The following DOK5 variants were observed in gnomAD, a reference collection of about 807,000 sequenced individuals.
DOK5 encodes the protein docking protein 5, also known as downstream of tyrosine kinase 5.
DOK5 carries 27 observed loss-of-function variants against 43.3 expected under a neutral mutation model. That is an observed-to-expected ratio of 0.62 (90% CI 0.46 to 0.86). DOK5 has a LOEUF of 0.86. Ranked by LOEUF, DOK5 falls within the 40% of genes least tolerant of loss-of-function variation. The pLI is 0.00. For synonymous variants in DOK5, 146 were observed against 140.1 expected (o/e 1.04, Z -0.30); for missense variants, 373 against 392.9 (o/e 0.95, Z 0.43).
At chr20:54,562,313 G>A (rs1984936601) in intron 2 of DOK5, among the ~76,000 whole-genome samples, 1 of 152,186 alleles carries the variant, frequency 6.6e-6, no homozygotes, top group South Asian at 2.1e-4. Context: ...AAAGGGCCAT[G>A]TGACTCACAT....
At chr20:54,570,528 G>A (rs1227946151) in intron 2 of DOK5, among the ~76,000 whole-genome samples, 3 of 152,178 alleles carry the variant, frequency 2.0e-5, no homozygotes, top group East Asian at 1.9e-4. Context: ...AACCTACAAA[G>A]CAAGGCGGAA....
At chr20:54,643,726 G>A (rs1023440747) in intron 7 of DOK5, 148 bp downstream of exon 7, 6 of 1,044,198 alleles carry the variant, frequency 5.7e-6, no homozygotes, top group Admixed American at 2.9e-5. Context: ...CACACACGAG[G>A]CACTTAATCT....
rs115698164 is a variant in DOK5, at chr20:54,546,254, G to A, written c.67-8679G>A. 4.5e-3 allele frequency among the ~76,000 whole-genome samples: 691 copies of A among 152,282 alleles called. 7 individuals carry two copies. Among genetic ancestry groups the A allele is most frequent in the African/African-American group, 0.016 (646 of 41,552 alleles). On this transcript the variant is annotated intron_variant, in intron 1 of 7. Coordinates refer to ENST00000262593, the MANE Select transcript of DOK5 (RefSeq NM_018431.5). ...TAAAAGGCTCAGCATTCCACAGTGC[G>A]CAGAAAAAGAGTTCAGCCAATGCTA...
In DOK5 at chr20:54,591,690, G is replaced by C; in HGVS notation, c.484G>C (p.Glu162Gln). ...CGAATGTGCCTTGCAGATTACATAT[G>C]AGTATATCTGTCTTTGGGACGTCCA... ...HGECALQITY[E>Q]YICLWDVQNP... The change falls in exon 5 of 8, where the codon GAG becomes CAG. Residue 162 changes from glutamate to glutamine, a missense_variant. Transcript: ENST00000262593. 6.2e-7 allele frequency: 1 copy of C among 1,614,066 alleles called. No individual in the cohort carries two copies. The highest frequency in any genetic ancestry group is 8.5e-7 in the Non-Finnish European group (1 of 1,179,928).
At chr20:54,605,548 T>C (rs1986444382) in intron 5 of DOK5, among the ~76,000 whole-genome samples, 1 of 152,206 alleles carries the variant, frequency 6.6e-6, no homozygotes, top group African/African-American at 2.4e-5. Flanking sequence ...TAAAGCTTTA[T>C]ATGTGCAGTT....
intron 6 of DOK5, among the ~76,000 whole-genome samples, chr20:54,621,562 G>T (rs1303291370): frequency 3.3e-5 from 5 of 152,110 alleles, no homozygotes; most frequent in Non-Finnish European, 5.9e-5. Flanking sequence ...GGTGGCAGGT[G>T]CCTGTAATCC....
intron 6 of DOK5, among the ~76,000 whole-genome samples, chr20:54,624,355 CTGACCTCTGAGTAA>C (rs1485920643): frequency 7.9e-5 from 12 of 152,160 alleles, no homozygotes; most frequent in Admixed American, 1.3e-4. Context: ...ACTTTAAAAG[CTGACCTCTGAGTAA>C]GTGGCAGCTC....
intron 1 of DOK5, among the ~76,000 whole-genome samples, chr20:54,534,990 C>T (rs190097978): frequency 8.0e-4 from 122 of 152,202 alleles, no homozygotes; most frequent in Admixed American, 1.8e-3. Flanking sequence ...TGTGCCACCA[C>T]GCCTGGCTAG....
intron 2 of DOK5, among the ~76,000 whole-genome samples, chr20:54,585,871 C>G (rs578078080): frequency 2.4e-4 from 36 of 152,308 alleles, no homozygotes; most frequent in Non-Finnish European, 4.3e-4. Flanking sequence ...CCTATAATCC[C>G]AGCACTTTGG....
At chr20:54,563,406 C>T (rs1984979418) in intron 2 of DOK5, among the ~76,000 whole-genome samples, 1 of 152,218 alleles carries the variant, frequency 6.6e-6, no homozygotes, top group South Asian at 2.1e-4. Flanking sequence ...ACATTACCAA[C>T]AGATTCCTCC....
intron 1 of DOK5, among the ~76,000 whole-genome samples, chr20:54,503,908 A>G (rs1982706352): frequency 6.6e-6 from 1 of 152,200 alleles, no homozygotes; most frequent in African/African-American, 2.4e-5. Context: ...CCAATCCACC[A>G]ACTTCAAAGA....
intron 2 of DOK5, among the ~76,000 whole-genome samples, chr20:54,576,677 C>T (rs1375509358): frequency 6.6e-6 from 1 of 152,170 alleles, no homozygotes; most frequent in East Asian, 1.9e-4. Context: ...GATTCCTATG[C>T]TGTGTGTCTT....
chr20:54,475,804 A>T lies in DOK5; in HGVS notation c.-143A>T. The T allele has an allele frequency of 1.0e-6, 1 of 980,052 alleles. No homozygotes were observed. The highest frequency in any genetic ancestry group is 1.6e-5 in the African/African-American group (1 of 62,524). 60.7% of individuals were successfully genotyped at this position (980,052 alleles called of 1,614,324 possible). On this transcript the variant is annotated 5_prime_UTR_variant, in exon 1 of 8. An upstream open reading frame in the 5' UTR loses its in-frame stop. Coordinates refer to ENST00000262593, the MANE Select transcript of DOK5 (RefSeq NM_018431.5). The surrounding 1 kb of genome is among the most constrained non-coding windows in gnomAD (Gnocchi z 4.2). ...CAGAGAAAGTGATGTGCGCCTTCTAAAGCCTCGCCCAGCGCCGCCGAAGCA... is the reference window on the plus strand; with the variant it reads ...CAGAGAAAGTGATGTGCGCCTTCTATAGCCTCGCCCAGCGCCGCCGAAGCA...
chr20:54,584,683 T>C (rs1322477921), intron 2 of DOK5, among the ~76,000 whole-genome samples: 3 of 149,986 alleles, frequency 2.0e-5, no homozygotes, highest in Non-Finnish European at 3.0e-5. Flanking sequence ...TGTATGTGTG[T>C]GTATATATAT....
intron 1 of DOK5, among the ~76,000 whole-genome samples, chr20:54,501,058 A>C (rs371679522): frequency 3.2e-4 from 48 of 152,276 alleles, no homozygotes; most frequent in Admixed American, 1.3e-4. Flanking sequence ...TTTCCTTGGA[A>C]TGGATGTGAT....
chr20:54,529,515 CCAA>C lies in DOK5; in HGVS notation c.67-25411_67-25409del, dbSNP rs544783638. The stretch of plus-strand genomic sequence containing the variant: ...TCTGTAATTATTTTGAATTTTACCC[CCAA>C]CAACAAGTTTATAAGGGTGACTTTA... On this transcript the variant is annotated intron_variant, in intron 1 of 7. Transcript: ENST00000262593. Among the ~76,000 whole-genome samples, 90 of 150,500 alleles carry C rather than the reference CCAA, an allele frequency of 6.0e-4. 2 individuals are homozygous for C. The South Asian group carries it at 0.014, about 23-fold the overall frequency.
chr20:54,631,707 C>T (rs961432829), intron 6 of DOK5, among the ~76,000 whole-genome samples: 22 of 152,160 alleles, frequency 1.4e-4, no homozygotes, highest in Non-Finnish European at 2.6e-4. Context: ...GGCGCAGTGG[C>T]TCACACCTGT....
intron 1 of DOK5, among the ~76,000 whole-genome samples, chr20:54,502,887 A>G (rs1435847181): frequency 2.6e-5 from 4 of 152,206 alleles, no homozygotes; most frequent in African/African-American, 4.8e-5. Context: ...ATATCTTTAC[A>G]TAAGTTGCTT....
At chr20:54,502,105 C>T (rs1185214036) in intron 1 of DOK5, among the ~76,000 whole-genome samples, 1 of 152,170 alleles carries the variant, frequency 6.6e-6, no homozygotes. Context: ...ACAGAACGTG[C>T]ATCTCTGGCT....
Sources: gnomAD v4.1 joint callset for allele counts (sites outside exome capture counted in the v4.1 genomes callset) on GRCh38, gnomAD v4.1.1 for gene constraint, Gnocchi (gnomAD v3.1) non-coding constraint, MANE v1.5 for transcripts, NCBI Gene and HGNC (gene_info 2026-07-23, HGNC 2026-07-21) for gene names.